Variants in ENTREP2 observed in about 807,000 individuals in gnomAD.
ENTREP2 encodes the protein endosomal transmembrane epsin interactor 2, also known as protein ENTREP2.
the ENTREP2 span, among the ~76,000 whole-genome samples, chr15:29,337,159 G>A: frequency 1.3e-5 from 2 of 152,190 alleles, no homozygotes; most frequent in Admixed American, 6.5e-5. Flanking sequence ...AGAGTATCAT[G>A]GAGCTTAAGA....
the ENTREP2 span, among the ~76,000 whole-genome samples, chr15:29,440,450 CTTGAG>C: frequency 2.9e-4 from 44 of 152,298 alleles, no homozygotes; most frequent in African/African-American, 7.9e-4. Flanking sequence ...CTGCAGTAGA[CTTGAG>C]TTAACTTTTC....
the ENTREP2 span, among the ~76,000 whole-genome samples, chr15:29,190,980 A>G: frequency 5.9e-5 from 9 of 152,156 alleles, no homozygotes; most frequent in Non-Finnish European, 1.2e-4. Context: ...TGTCCTGGAT[A>G]TCCGTGCAAA....
the ENTREP2 span, among the ~76,000 whole-genome samples, chr15:29,489,914 A>T: frequency 1.6e-4 from 25 of 152,346 alleles, no homozygotes; most frequent in African/African-American, 6.0e-4. Flanking sequence ...TTTTGCTACA[A>T]AGATCACCAC....
At chr15:29,401,187 T>G in the ENTREP2 span, among the ~76,000 whole-genome samples, 1 of 151,782 alleles carries the variant, frequency 6.6e-6, no homozygotes, top group South Asian at 2.1e-4. Context: ...AGCATTATTC[T>G]GAAAAGGGCC....
chr15:29,424,021 T>G, the ENTREP2 span, among the ~76,000 whole-genome samples: 4 of 152,174 alleles, frequency 2.6e-5, no homozygotes, highest in African/African-American at 9.6e-5. Context: ...TCACGGTGAG[T>G]GTCACAGCTC....
At chr15:29,430,521 C>G in the ENTREP2 span, among the ~76,000 whole-genome samples, 1 of 152,070 alleles carries the variant, frequency 6.6e-6, no homozygotes, top group Non-Finnish European at 1.5e-5. Flanking sequence ...TGGCACATGC[C>G]TGTAATCACA....
the ENTREP2 span, among the ~76,000 whole-genome samples, chr15:29,585,748 C>T: frequency 0.51 from 76,767 of 151,102 alleles, 21,773 homozygotes; most frequent in Non-Finnish European, 0.65. Flanking sequence ...CCCAGCTACT[C>T]GGGAGGCTGA....
chr15:29,497,854 T>A, the ENTREP2 span, among the ~76,000 whole-genome samples: 1 of 152,324 alleles, frequency 6.6e-6, no homozygotes, highest in South Asian at 2.1e-4. Context: ...TTTCTCAATA[T>A]GTAATGATAG....
At chr15:29,526,281 G>A in the ENTREP2 span, among the ~76,000 whole-genome samples, 1 of 152,026 alleles carries the variant, frequency 6.6e-6, no homozygotes, top group Non-Finnish European at 1.5e-5. Flanking sequence ...TCTTGTTACA[G>A]GGAAAGTGTC....
At chr15:29,338,734 G>A in the ENTREP2 span, among the ~76,000 whole-genome samples, 2,202 of 152,232 alleles carry the variant, frequency 0.014, 52 homozygotes, top group African/African-American at 0.051. Context: ...GAGGAGGGAC[G>A]GGAGTAAACT....
At chr15:29,411,885 T>C in the ENTREP2 span, among the ~76,000 whole-genome samples, 1 of 152,248 alleles carries the variant, frequency 6.6e-6, no homozygotes, top group South Asian at 2.1e-4. Flanking sequence ...GCTCCTGGCC[T>C]GCCCTGCATC....
chr15:29,452,639 T>C, the ENTREP2 span: 1 of 152,072 alleles, frequency 6.6e-6, no homozygotes, highest in Non-Finnish European at 1.5e-5. Context: ...ACAGGGTAGG[T>C]GTGAGTCTGC....
the ENTREP2 span, among the ~76,000 whole-genome samples, chr15:29,338,425 C>CAAA: frequency 5.7e-3 from 459 of 80,592 alleles, 4 homozygotes; most frequent in African/African-American, 0.017. Flanking sequence ...GACTCCATCT[C>CAAA]AAAAAAAAAA....
chr15:29,186,263 CTG>C, the ENTREP2 span, among the ~76,000 whole-genome samples: 3 of 152,240 alleles, frequency 2.0e-5, no homozygotes, highest in Non-Finnish European at 4.4e-5. Flanking sequence ...GAAGGAGGGA[CTG>C]TCTCTCTGTA....
chr15:29,355,504 AT>A, the ENTREP2 span, among the ~76,000 whole-genome samples: 16 of 134,604 alleles, frequency 1.2e-4, no homozygotes, highest in African/African-American at 6.1e-4. Context: ...AGTGATACAA[AT>A]AAAAAAAAAA....
chr15:29,360,507 G>A, the ENTREP2 span, among the ~76,000 whole-genome samples: 1,792 of 152,262 alleles, frequency 0.012, 20 homozygotes, highest in Non-Finnish European at 0.018. Context: ...TTTGATATCT[G>A]TACAAACAAG....
the ENTREP2 span, among the ~76,000 whole-genome samples, chr15:29,222,634 G>C: frequency 3.3e-5 from 5 of 152,064 alleles, no homozygotes; most frequent in Admixed American, 6.5e-5. Context: ...TGCATCTCCC[G>C]TCACTCATGC....
At chr15:29,490,143 G>A in the ENTREP2 span, among the ~76,000 whole-genome samples, 21 of 152,170 alleles carry the variant, frequency 1.4e-4, no homozygotes, top group Admixed American at 3.3e-4. Flanking sequence ...GAATGAAGCC[G>A]TGGACCCCCG....
chr15:29,268,511 A>G, the ENTREP2 span: 7 of 404,916 alleles, frequency 1.7e-5, no homozygotes, highest in Non-Finnish European at 3.0e-5. Flanking sequence ...TCTGTTCCAG[A>G]TCATAGTCAA....
Sources: gnomAD v4.1 joint callset for allele counts (sites outside exome capture counted in the v4.1 genomes callset) on GRCh38, gnomAD v4.1.1 for gene constraint, MANE v1.5 for transcripts, NCBI Gene and HGNC (gene_info 2026-07-23, HGNC 2026-07-21) for gene names.